The following SLC25A21 variants were observed in gnomAD, a reference collection of about 807,000 sequenced individuals.
SLC25A21 encodes the protein mitochondrial 2-oxodicarboxylate carrier.
Under a neutral mutation model 43.8 loss-of-function variants are expected in SLC25A21, and 47 were observed. The ratio of observed to expected loss-of-function variants is 1.07; its 90% CI spans 0.85 to 1.37. The LOEUF (loss-of-function observed/expected upper bound fraction) is 1.37, where lower values mean the gene tolerates loss of function less well. SLC25A21 is among the 40% of genes most tolerant of loss of function. The pLI is 0.00. For synonymous variants in SLC25A21, 131 were observed against 121.3 expected (o/e 1.08, Z -0.52); for missense variants, 352 against 350.2 (o/e 1.00, Z -0.04).
chr14:36,952,354 T>C (rs923928917), intron 1 of SLC25A21: 2 of 153,396 alleles, frequency 1.3e-5, no homozygotes, highest in African/African-American at 2.4e-5. Flanking sequence ...TAGAAATTTA[T>C]ATGTAAATTC....
chr14:37,126,565 T>C (rs1963301200), intron 1 of SLC25A21, among the ~76,000 whole-genome samples: 1 of 152,062 alleles, frequency 6.6e-6, no homozygotes, highest in Admixed American at 6.6e-5. Flanking sequence ...GAGTTATGTA[T>C]AGGTATGTAA....
intron 1 of SLC25A21, among the ~76,000 whole-genome samples, chr14:37,077,481 T>C (rs745815565): frequency 5.3e-5 from 8 of 152,118 alleles, no homozygotes; most frequent in Non-Finnish European, 1.0e-4. Flanking sequence ...TGAAAATCCG[T>C]ATGTTATGTA....
intron 1 of SLC25A21, among the ~76,000 whole-genome samples, chr14:37,133,054 G>A (rs925604907): frequency 6.6e-6 from 1 of 151,890 alleles, no homozygotes; most frequent in African/African-American, 2.4e-5. Context: ...TGAATGGGGG[G>A]ATCTTTAAGT....
At chr14:36,781,193 C>T in intron 3 of SLC25A21, among the ~76,000 whole-genome samples, 1 of 152,122 alleles carries the variant, frequency 6.6e-6, no homozygotes, top group Non-Finnish European at 1.5e-5. Context: ...CATCCCTTCA[C>T]TTTCAGCTTA....
At chr14:37,165,244 G>A (rs1964011885) in intron 1 of SLC25A21, among the ~76,000 whole-genome samples, 2 of 152,156 alleles carry the variant, frequency 1.3e-5, no homozygotes, top group Non-Finnish European at 2.9e-5. Flanking sequence ...AGGCATGGTG[G>A]TGGGTGCCTA....
intron 2 of SLC25A21, among the ~76,000 whole-genome samples, chr14:36,849,229 G>A: frequency 6.6e-6 from 1 of 152,146 alleles, no homozygotes; most frequent in East Asian, 1.9e-4. Flanking sequence ...ACTCTCCTCT[G>A]ATTTCTTCCT....
At chr14:36,881,221 T>C (rs774507341) in intron 1 of SLC25A21, among the ~76,000 whole-genome samples, 2 of 152,184 alleles carry the variant, frequency 1.3e-5, no homozygotes, top group East Asian at 1.9e-4. Flanking sequence ...AAAACACAGA[T>C]AATCATTTAA....
intron 2 of SLC25A21, among the ~76,000 whole-genome samples, chr14:36,833,898 A>G (rs771136926): frequency 1.3e-5 from 2 of 152,234 alleles, no homozygotes; most frequent in African/African-American, 2.4e-5. Context: ...GCAGACATCT[A>G]AGAAATGTGC....
intron 1 of SLC25A21, among the ~76,000 whole-genome samples, chr14:37,153,641 G>A (rs1165832692): frequency 6.6e-6 from 1 of 152,204 alleles, no homozygotes; most frequent in East Asian, 1.9e-4. Flanking sequence ...CACAAAGACA[G>A]CAGCTCCCTC....
chr14:36,821,344 T>A (rs905304594), intron 2 of SLC25A21, among the ~76,000 whole-genome samples: 10 of 151,726 alleles, frequency 6.6e-5, no homozygotes, highest in African/African-American at 2.4e-4. Context: ...CTGCTGGTTT[T>A]GAAGATAGTT....
chr14:36,776,759 T>G (rs956938447), intron 3 of SLC25A21, among the ~76,000 whole-genome samples: 2 of 152,188 alleles, frequency 1.3e-5, no homozygotes, highest in African/African-American at 4.8e-5. Context: ...CATATAATAT[T>G]GCCTTCTATT....
At chr14:36,700,403 G>A (rs1883227595) in intron 7 of SLC25A21, among the ~76,000 whole-genome samples, 1 of 152,164 alleles carries the variant, frequency 6.6e-6, no homozygotes, top group African/African-American at 2.4e-5. Flanking sequence ...ACATTGATAT[G>A]GACAAATGTG....
At chr14:36,786,050 G>T (rs1183407455) in intron 3 of SLC25A21, among the ~76,000 whole-genome samples, 4 of 152,202 alleles carry the variant, frequency 2.6e-5, no homozygotes, top group Admixed American at 6.5e-5. Context: ...CCTGCCCATG[G>T]GTTTGATCCT....
chr14:37,124,359 T>G (rs1002851286), intron 1 of SLC25A21, among the ~76,000 whole-genome samples: 30 of 152,208 alleles, frequency 2.0e-4, no homozygotes, highest in Non-Finnish European at 8.8e-5. Flanking sequence ...AATATTCTAT[T>G]TCATATCATC....
chr14:37,167,202 C>CA (rs1254189299), intron 1 of SLC25A21, among the ~76,000 whole-genome samples: 24 of 152,170 alleles, frequency 1.6e-4, no homozygotes, highest in Admixed American at 1.6e-3. Flanking sequence ...TCTGTCTGGT[C>CA]AGCAGTGAAA....
intron 1 of SLC25A21, among the ~76,000 whole-genome samples, chr14:36,942,230 G>A (rs953297919): frequency 3.3e-5 from 5 of 151,482 alleles, no homozygotes; most frequent in South Asian, 4.2e-4. Flanking sequence ...GAAATTCTTC[G>A]CGATTAGAAA....
intron 7 of SLC25A21, among the ~76,000 whole-genome samples, chr14:36,701,182 T>C (rs888600143): frequency 1.3e-5 from 2 of 152,182 alleles, no homozygotes; most frequent in African/African-American, 4.8e-5. Context: ...TGCTATTTTG[T>C]CCCCAGTGAA....
intron 3 of SLC25A21, among the ~76,000 whole-genome samples, chr14:36,761,028 G>A (rs1886135918): frequency 6.6e-6 from 1 of 152,170 alleles, no homozygotes; most frequent in African/African-American, 2.4e-5. Flanking sequence ...AAACCAACTG[G>A]ATGTCATGAC....
chr14:36,758,224 G>T (rs769195842), intron 3 of SLC25A21, among the ~76,000 whole-genome samples: 99 of 152,152 alleles, frequency 6.5e-4, no homozygotes, highest in Non-Finnish European at 8.1e-4. Context: ...CTTTTTTTCA[G>T]TGTTTTCCAG....
Sources: allele counts gnomAD v4.1 joint callset (sites outside exome capture counted in the v4.1 genomes callset), GRCh38; gene constraint gnomAD v4.1.1; transcripts MANE v1.5; gene names NCBI Gene and HGNC (gene_info 2026-07-23, HGNC 2026-07-21).